The following GRID2 variants were observed in gnomAD, a reference collection of about 807,000 sequenced individuals.
GRID2 encodes the protein glutamate ionotropic receptor delta type subunit 2, also known as glutamate receptor ionotropic, delta-2.
A neutral mutation model predicts 114.8 loss-of-function variants in GRID2; 33 were observed. The ratio of observed to expected loss-of-function variants is 0.29; its 90% CI spans 0.22 to 0.38. The LOEUF is 0.38. Ranked by LOEUF, GRID2 falls within the 10% of genes least tolerant of loss-of-function variation. The pLI is 1.00. For synonymous variants in GRID2, 505 were observed against 449.9 expected, an observed-to-expected ratio of 1.12 and a Z score of -1.55; for missense variants, 1,184 against 1,257.7, an observed-to-expected ratio of 0.94 and a Z score of 0.89.
chr4:93,030,010 A>G (rs1465820781), intron 2 of GRID2, among the ~76,000 whole-genome samples: 1 of 152,174 alleles, frequency 6.6e-6, no homozygotes, highest in Non-Finnish European at 1.5e-5. Flanking sequence ...GGAGAAATGT[A>G]CAGAGCATTT....
At chr4:92,708,612 A>AT (rs1735064894) in intron 2 of GRID2, among the ~76,000 whole-genome samples, 1 of 152,142 alleles carries the variant, frequency 6.6e-6, no homozygotes, top group Non-Finnish European at 1.5e-5. Context: ...GATTATCACC[A>AT]TATTGGTATT....
chr4:93,287,597 G>A (rs1753320650), intron 8 of GRID2, among the ~76,000 whole-genome samples: 1 of 152,150 alleles, frequency 6.6e-6, no homozygotes, highest in Non-Finnish European at 1.5e-5. Flanking sequence ...AGTATTAGAA[G>A]AGTTTAACTT....
At position 93,025,810 on chromosome 4, in the gene GRID2, C is replaced by T. The variant is rs971054413; in HGVS notation, c.245-59185C>T. The stretch of plus-strand genomic sequence containing the variant: ...AACAAGCATTTACTGAAATTTGAAC[C>T]ATGATAGATTTATCAAGTCATTCTA... On this transcript the variant is annotated intron_variant, in intron 2 of 15. Transcript: ENST00000282020. Among the ~76,000 whole-genome samples the T allele has an allele frequency of 4.0e-5, 6 of 151,686 alleles. No homozygotes were observed. The East Asian group carries it at 9.7e-4, about 24-fold the overall frequency.
At chr4:92,371,733 G>T (rs775575558) in intron 1 of GRID2, among the ~76,000 whole-genome samples, 99 of 152,156 alleles carry the variant, frequency 6.5e-4, no homozygotes, top group Non-Finnish European at 1.1e-3. Flanking sequence ...GCAGCCCATA[G>T]ATGAAGGAGT....
chr4:92,515,071 T>G (rs180885433), intron 1 of GRID2, among the ~76,000 whole-genome samples: 15 of 152,040 alleles, frequency 9.9e-5, no homozygotes, highest in East Asian at 2.0e-4. Context: ...GAAGTGCAGT[T>G]TCTTCTTGAC....
intron 2 of GRID2, among the ~76,000 whole-genome samples, chr4:92,664,436 A>C (rs929136171): frequency 2.0e-5 from 3 of 151,060 alleles, no homozygotes; most frequent in African/African-American, 7.3e-5. Flanking sequence ...TGGTTGGAGA[A>C]GATTTTCTTT....
At chr4:93,623,343 T>C (rs1290250260) in intron 13 of GRID2, among the ~76,000 whole-genome samples, 1 of 152,106 alleles carries the variant, frequency 6.6e-6, no homozygotes, top group African/African-American at 2.4e-5. Context: ...GTGTGTGATG[T>C]TCCCCTTTCT....
intron 2 of GRID2, among the ~76,000 whole-genome samples, chr4:92,755,891 C>A (rs533983317): frequency 6.6e-6 from 1 of 152,230 alleles, no homozygotes; most frequent in Non-Finnish European, 1.5e-5. Flanking sequence ...TACATGCATG[C>A]ACTGTGTAAT....
chr4:93,528,679 C>T (rs778251544), intron 13 of GRID2, among the ~76,000 whole-genome samples: 10 of 152,026 alleles, frequency 6.6e-5, no homozygotes, highest in Non-Finnish European at 1.3e-4. Flanking sequence ...TGGCTCATCC[C>T]AGTAGTGATT....
At chr4:92,790,240 G>C (rs1035334229) in intron 2 of GRID2, among the ~76,000 whole-genome samples, 20 of 151,320 alleles carry the variant, frequency 1.3e-4, no homozygotes, top group African/African-American at 4.9e-4. Context: ...AAACCTATCT[G>C]TCTACTTAGA....
chr4:93,249,933 G>A (rs1225467624), intron 8 of GRID2, among the ~76,000 whole-genome samples: 1 of 152,266 alleles, frequency 6.6e-6, no homozygotes, highest in African/African-American at 2.4e-5. Context: ...GGAAGACAAT[G>A]TGGTGATTCC....
intron 3 of GRID2, among the ~76,000 whole-genome samples, chr4:93,105,086 T>G (rs1354943993): frequency 3.3e-5 from 5 of 152,268 alleles, no homozygotes; most frequent in African/African-American, 4.8e-5. Context: ...TCATGTGTCT[T>G]TTGGCTGCAT....
chr4:93,253,383 T>A (rs1438019660), intron 8 of GRID2, among the ~76,000 whole-genome samples: 1 of 152,174 alleles, frequency 6.6e-6, no homozygotes, highest in Non-Finnish European at 1.5e-5. Context: ...AAAGAACATT[T>A]AAAAATTATA....
intron 8 of GRID2, among the ~76,000 whole-genome samples, chr4:93,276,469 G>C (rs1043798212): frequency 6.6e-6 from 1 of 151,956 alleles, no homozygotes; most frequent in Admixed American, 6.6e-5. Context: ...TCGTCTGTAC[G>C]ATAAGCAGTA....
chr4:92,325,362 A>G (rs936513189), intron 1 of GRID2, among the ~76,000 whole-genome samples: 4 of 151,882 alleles, frequency 2.6e-5, no homozygotes, highest in African/African-American at 7.2e-5. Flanking sequence ...CTGGCCCACA[A>G]TGAATTTTCA....
chr4:93,735,316 G>T (rs1329700158), intron 14 of GRID2, among the ~76,000 whole-genome samples: 1 of 151,822 alleles, frequency 6.6e-6, no homozygotes, highest in Non-Finnish European at 1.5e-5. Context: ...TATTCAAAAA[G>T]GACTTTTTCT....
chr4:93,600,378 G>A (rs1433386708), intron 13 of GRID2, among the ~76,000 whole-genome samples: 1 of 151,676 alleles, frequency 6.6e-6, no homozygotes, highest in Non-Finnish European at 1.5e-5. Flanking sequence ...ATAATGAAAA[G>A]ACAAATAGTA....
chr4:92,957,071 T>C (rs1322841447), intron 2 of GRID2, among the ~76,000 whole-genome samples: 2 of 152,142 alleles, frequency 1.3e-5, no homozygotes, highest in Non-Finnish European at 2.9e-5. Flanking sequence ...AGATATGTCT[T>C]TTGCACGTAT....
intron 8 of GRID2, among the ~76,000 whole-genome samples, chr4:93,249,643 A>T (rs779113907): frequency 3.9e-5 from 6 of 152,132 alleles, no homozygotes; most frequent in Non-Finnish European, 8.8e-5. Context: ...ACTTAAACAA[A>T]TTTACAAGAA....
Sources: gnomAD v4.1 joint callset for allele counts (sites outside exome capture counted in the v4.1 genomes callset) on GRCh38, gnomAD v4.1.1 for gene constraint, MANE v1.5 for transcripts, NCBI Gene and HGNC (gene_info 2026-07-23, HGNC 2026-07-21) for gene names.